Variants in KLRG1 observed in about 807,000 individuals in gnomAD.
The protein encoded by KLRG1 is killer cell lectin-like receptor subfamily G member 1.
In KLRG1, 16 loss-of-function variants were observed where a neutral mutation model predicts 21.8. The ratio of observed to expected loss-of-function variants is 0.73; its 90% confidence interval spans 0.50 to 1.11. The LOEUF is 1.11. Ranked by LOEUF, KLRG1 falls within the 50% of genes most tolerant of loss-of-function variation. KLRG1 has a pLI of 0.00. For synonymous variants in KLRG1, 69 were observed against 75.9 expected, an observed-to-expected ratio of 0.91 and a Z score of 0.47; for missense variants, 173 against 218.3, an observed-to-expected ratio of 0.79 and a Z score of 1.31.
At chr12:9,069,706 A>G in the KLRG1 span, 8 of 1,532,086 alleles carry the variant, frequency 5.2e-6, no homozygotes, top group South Asian at 4.6e-5. Flanking sequence ...GAGGATTATT[A>G]TCTACGTTTT....
At chr12:9,136,719 C>A in the KLRG1 span, among the ~76,000 whole-genome samples, 4 of 151,940 alleles carry the variant, frequency 2.6e-5, no homozygotes, top group African/African-American at 9.7e-5. Context: ...TAATAGGCAT[C>A]CTGACATGTG....
the KLRG1 span, chr12:9,161,028 C>G: frequency 1.9e-6 from 3 of 1,565,630 alleles, no homozygotes; most frequent in African/African-American, 2.7e-5. Flanking sequence ...TGGAAGGTGA[C>G]TCACCCAGAA....
At chr12:9,086,986 C>A in the KLRG1 span, among the ~76,000 whole-genome samples, 1 of 152,024 alleles carries the variant, frequency 6.6e-6, no homozygotes, top group African/African-American at 2.4e-5. Flanking sequence ...ATTTTCTGTT[C>A]ACTAACAATG....
At chr12:9,072,887 G>A in the KLRG1 span, 3 of 1,605,334 alleles carry the variant, frequency 1.9e-6, no homozygotes, top group African/African-American at 4.0e-5. Context: ...AGAGACAGAT[G>A]AGTGAGAGAA....
At chr12:9,036,855 GC>G in the KLRG1 span, 2 of 426,720 alleles carry the variant, frequency 4.7e-6, no homozygotes, top group Non-Finnish European at 4.7e-6. Flanking sequence ...CACTGACAGT[GC>G]CAAGTCAAAG....
the KLRG1 span, among the ~76,000 whole-genome samples, chr12:9,198,614 A>C: frequency 6.6e-6 from 1 of 152,146 alleles, no homozygotes; most frequent in Non-Finnish European, 1.5e-5. Flanking sequence ...ATACAAAATA[A>C]TTAGTGGGGT....
At chr12:9,033,476 C>G in the KLRG1 span, among the ~76,000 whole-genome samples, 244 of 152,006 alleles carry the variant, frequency 1.6e-3, no homozygotes, top group Middle Eastern at 3.4e-3. Flanking sequence ...GGTATTTCCC[C>G]TCCCACCCTG....
At chr12:9,068,987 C>T in the KLRG1 span, 1 of 539,244 alleles carries the variant, frequency 1.9e-6, no homozygotes, top group South Asian at 3.5e-5. Flanking sequence ...GTGCAGAAAT[C>T]TCTCAGAGGG....
intron 1 of KLRG1, among the ~76,000 whole-genome samples, chr12:8,974,408 C>A (rs1946623304): frequency 6.6e-6 from 1 of 152,142 alleles, no homozygotes; most frequent in Admixed American, 6.5e-5. Context: ...ACCTTGTGAT[C>A]CACCCACCTC....
At chr12:8,965,305 C>G (rs1404478982) in intron 1 of KLRG1, among the ~76,000 whole-genome samples, 1 of 152,278 alleles carries the variant, frequency 6.6e-6, no homozygotes, top group African/African-American at 2.4e-5. Flanking sequence ...CTCACCACTC[C>G]TATTCAACAT....
At chr12:9,108,182 G>A in the KLRG1 span, among the ~76,000 whole-genome samples, 1 of 152,036 alleles carries the variant, frequency 6.6e-6, no homozygotes, top group Non-Finnish European at 1.5e-5. Flanking sequence ...CTGGAGTGCA[G>A]TGGTGCGATC....
chr12:8,982,027 C>T (rs1459190220), intron 1 of KLRG1, among the ~76,000 whole-genome samples: 2 of 152,036 alleles, frequency 1.3e-5, no homozygotes, highest in Non-Finnish European at 2.9e-5. Context: ...TTAGTATGAC[C>T]ACTTGTGGAA....
chr12:9,154,506 C>T, the KLRG1 span: 3 of 1,078,854 alleles, frequency 2.8e-6, no homozygotes, highest in Non-Finnish European at 4.0e-6. Flanking sequence ...TTCCTAAATA[C>T]TTCTTCAATG....
At chr12:9,152,258 C>T in the KLRG1 span, 4 of 1,612,914 alleles carry the variant, frequency 2.5e-6, no homozygotes, top group African/African-American at 2.7e-5. Context: ...AAACCAGATA[C>T]CATCTTTACA....
chr12:9,018,052 A>G, the KLRG1 span, among the ~76,000 whole-genome samples: 2 of 152,180 alleles, frequency 1.3e-5, no homozygotes, highest in East Asian at 3.8e-4. Flanking sequence ...AGAATTAACA[A>G]AAGAAGTGAA....
At chr12:9,150,555 G>T in the KLRG1 span, 2 of 851,026 alleles carry the variant, frequency 2.4e-6, no homozygotes, top group South Asian at 1.6e-5. Flanking sequence ...GATTAATGTT[G>T]ACTAAGTGGG....
chr12:9,128,786 A>G, the KLRG1 span: 3 of 152,216 alleles, frequency 2.0e-5, no homozygotes, highest in Admixed American at 2.0e-4. Flanking sequence ...GAAGAATGCA[A>G]TTAACTTCCA....
the KLRG1 span, chr12:9,157,944 G>C: frequency 6.2e-6 from 6 of 972,596 alleles, no homozygotes; most frequent in Non-Finnish European, 9.6e-6. Context: ...TCCATTCAAA[G>C]TATACCATTT....
chr12:9,165,312 TC>T, the KLRG1 span: 1 of 1,614,134 alleles, frequency 6.2e-7, no homozygotes, highest in South Asian at 1.1e-5. Flanking sequence ...GCCCCTGCCT[TC>T]CACTCGGTGA....
Sources: gnomAD v4.1 joint callset for allele counts (sites outside exome capture counted in the v4.1 genomes callset) on GRCh38, gnomAD v4.1.1 for gene constraint, MANE v1.5 for transcripts, NCBI Gene and HGNC (gene_info 2026-07-23, HGNC 2026-07-21) for gene names.